The following ASTN2 variants were observed in gnomAD, a reference collection of about 807,000 sequenced individuals.
ASTN2 encodes the protein astrotactin 2, also known as astrotactin-2.
ASTN2 carries 54 observed loss-of-function variants against 139.8 expected under a neutral mutation model. That is an observed-to-expected ratio of 0.39 (90% CI 0.31 to 0.48). The LOEUF is 0.48. Among genes scored for constraint, ASTN2 ranks in the 20% least tolerant of loss-of-function variants. The pLI is 0.95. For missense variants in ASTN2, 1,565 were observed against 1,725.1 expected, an observed-to-expected ratio of 0.91 and a Z score of 1.64; for synonymous variants, 756 against 719.5, an observed-to-expected ratio of 1.05 and a Z score of -0.81.
chr9:117,237,389 C>T (rs982404198), intron 2 of ASTN2, among the ~76,000 whole-genome samples: 1 of 152,148 alleles, frequency 6.6e-6, no homozygotes, highest in African/African-American at 2.4e-5. Flanking sequence ...TCACAGAGCC[C>T]AGTTAGTACT....
In ASTN2 at chr9:117,179,038, C is replaced by A. The variant is rs191225489; in HGVS notation, c.1015+35320G>T. Among the ~76,000 whole-genome samples, 516 of 152,284 alleles carry A rather than the reference C, an allele frequency of 3.4e-3. 3 individuals carry two copies. Among genetic ancestry groups the A allele is most frequent in the Non-Finnish European group, 5.7e-3 (387 of 68,020 alleles). ...TCCCTGAGAGTAGTAACAGAGATAA[C>A]GTACGTGCACACAATCCTTAACAGT... On this transcript the variant is annotated intron_variant, in intron 3 of 22. Transcript: ENST00000313400.
intron 20 of ASTN2, among the ~76,000 whole-genome samples, chr9:116,447,675 T>C (rs1848041042): frequency 6.6e-6 from 1 of 152,214 alleles, no homozygotes; most frequent in Non-Finnish European, 1.5e-5. Flanking sequence ...GGAATCATAA[T>C]ATTAAAACTC....
intron 2 of ASTN2, among the ~76,000 whole-genome samples, chr9:117,244,247 T>C (rs1387092913): frequency 6.6e-6 from 1 of 152,156 alleles, no homozygotes. Context: ...TTGGGTACTT[T>C]GTTATAGCAG....
chr9:117,280,324 T>C (rs193250759), intron 2 of ASTN2, among the ~76,000 whole-genome samples: 1 of 152,298 alleles, frequency 6.6e-6, no homozygotes, highest in Non-Finnish European at 1.5e-5. Flanking sequence ...AGTTGAATAG[T>C]GGGTCCCAGA....
At chr9:116,752,993 C>T (rs1829438107) in intron 13 of ASTN2, among the ~76,000 whole-genome samples, 1 of 152,188 alleles carries the variant, frequency 6.6e-6, no homozygotes, top group Non-Finnish European at 1.5e-5. Flanking sequence ...CCACGAAATT[C>T]TGCAATTGCA....
intron 6 of ASTN2, among the ~76,000 whole-genome samples, chr9:117,022,746 G>T (rs1337550608): frequency 6.6e-6 from 1 of 152,114 alleles, no homozygotes; most frequent in East Asian, 1.9e-4. Context: ...ACGATTGTCA[G>T]CTGGGAGTTG....
chr9:116,534,656 T>G (rs1229127325), intron 19 of ASTN2, among the ~76,000 whole-genome samples: 2 of 152,208 alleles, frequency 1.3e-5, no homozygotes, highest in African/African-American at 4.8e-5. Context: ...TCAGTTTCCA[T>G]GTAGTTGAGT....
At chr9:116,758,967 C>T (rs79283764) in intron 13 of ASTN2, among the ~76,000 whole-genome samples, 11,805 of 152,224 alleles carry the variant, frequency 0.078, 564 homozygotes, top group Non-Finnish European at 0.1. Context: ...TATCATGGCT[C>T]ACTGTAACCT....
intron 7 of ASTN2, among the ~76,000 whole-genome samples, chr9:116,990,611 G>A (rs1264827920): frequency 6.6e-6 from 1 of 151,990 alleles, no homozygotes; most frequent in Admixed American, 6.6e-5. Flanking sequence ...CTCTTCCCTT[G>A]TCTTCCCTTC....
At chr9:116,748,886 G>C (rs1214157937) in intron 13 of ASTN2, among the ~76,000 whole-genome samples, 1 of 152,166 alleles carries the variant, frequency 6.6e-6, no homozygotes, top group Non-Finnish European at 1.5e-5. Flanking sequence ...AATAATGCAA[G>C]TGTCCCCAAA....
chr9:116,454,883 C>T (rs1305667732), intron 20 of ASTN2, among the ~76,000 whole-genome samples: 1 of 152,022 alleles, frequency 6.6e-6, no homozygotes, highest in African/African-American at 2.4e-5. Context: ...ACACTGGGGC[C>T]TGTCGTGGTG....
intron 1 of ASTN2, among the ~76,000 whole-genome samples, chr9:117,307,839 T>TAGAGGCCACGTTTTGCACTC (rs1337221316): frequency 6.6e-6 from 1 of 152,208 alleles, no homozygotes; most frequent in Non-Finnish European, 1.5e-5. Flanking sequence ...TCTTTCTTCC[T>TAGAGGCCACGTTTTGCACTC]AGAGGCCACG....
intron 13 of ASTN2, among the ~76,000 whole-genome samples, chr9:116,774,157 C>T (rs1588281886): frequency 6.6e-6 from 1 of 152,188 alleles, no homozygotes; most frequent in Non-Finnish European, 1.5e-5. Flanking sequence ...CTGGAAGGGA[C>T]TCTTCAGGCT....
intron 16 of ASTN2, among the ~76,000 whole-genome samples, chr9:116,680,032 A>C (rs1307644241): frequency 6.6e-6 from 1 of 152,174 alleles, no homozygotes; most frequent in Non-Finnish European, 1.5e-5. Flanking sequence ...TCAGAGCAGA[A>C]GTGAAGGAAA....
chr9:117,278,006 A>G (rs1198328072), intron 2 of ASTN2, among the ~76,000 whole-genome samples: 1 of 152,236 alleles, frequency 6.6e-6, no homozygotes, highest in Non-Finnish European at 1.5e-5. Context: ...TTTGTTTAAT[A>G]AAGCAATTTA....
At chr9:117,095,516 G>A (rs1349275392) in intron 5 of ASTN2, among the ~76,000 whole-genome samples, 1 of 152,160 alleles carries the variant, frequency 6.6e-6, no homozygotes, top group Non-Finnish European at 1.5e-5. Context: ...ACCAAGTTGA[G>A]GACTTTACCT....
chr9:117,266,830 A>G (rs975262852), intron 2 of ASTN2, among the ~76,000 whole-genome samples: 10 of 152,244 alleles, frequency 6.6e-5, no homozygotes, highest in Non-Finnish European at 1.5e-5. Context: ...GCCTCAAATT[A>G]TCTCCCCCAA....
intron 19 of ASTN2, among the ~76,000 whole-genome samples, chr9:116,586,837 C>CACACACACATACAT (rs1554717129): frequency 0.014 from 2,060 of 149,124 alleles, 19 homozygotes; most frequent in Admixed American, 0.023. Flanking sequence ...TACATACACA[C>CACACACACATACAT]ACACACACAC....
At chr9:116,500,541 C>T (rs1448771390) in intron 19 of ASTN2, among the ~76,000 whole-genome samples, 1 of 152,224 alleles carries the variant, frequency 6.6e-6, no homozygotes, top group East Asian at 1.9e-4. Flanking sequence ...TGTGTCCCTC[C>T]AAACATGTTA....
Sources: gnomAD v4.1 joint callset for allele counts (sites outside exome capture counted in the v4.1 genomes callset) on GRCh38, gnomAD v4.1.1 for gene constraint, MANE v1.5 for transcripts, NCBI Gene and HGNC (gene_info 2026-07-23, HGNC 2026-07-21) for gene names.